The following CCDC7 variants were observed in gnomAD, a reference collection of about 807,000 sequenced individuals.
CCDC7 encodes the protein coiled-coil domain-containing protein 7.
In CCDC7, 183 loss-of-function variants were observed where a neutral mutation model predicts 196.9. The ratio of observed to expected loss-of-function variants is 0.93; its 90% CI spans 0.82 to 1.05. The LOEUF (loss-of-function observed/expected upper bound fraction) is 1.05. Among genes scored for constraint, CCDC7 ranks in the 50% least tolerant of loss-of-function variants. The probability of loss-of-function intolerance (pLI) is 0.00; values close to 1 mark genes in which losing one functional copy is unlikely to be tolerated. For synonymous variants in CCDC7, 525 were observed against 484.6 expected (o/e 1.08, Z -1.10); for missense variants, 1,540 against 1,482.2 (o/e 1.04, Z -0.64).
intron 18 of CCDC7, among the ~76,000 whole-genome samples, chr10:32,590,645 T>TA: frequency 6.6e-6 from 1 of 152,326 alleles, no homozygotes; most frequent in South Asian, 2.1e-4. Context: ...GAACTCTCTT[T>TA]AGCATTTCTT....
intron 28 of CCDC7, among the ~76,000 whole-genome samples, chr10:32,760,918 A>G (rs1268124196): frequency 6.6e-6 from 1 of 152,012 alleles, no homozygotes; most frequent in Non-Finnish European, 1.5e-5. Flanking sequence ...TGACTTCCTC[A>G]ACATATATTT....
downstream of CCDC7, among the ~76,000 whole-genome samples, chr10:32,879,030 C>T (rs770231045): frequency 6.6e-6 from 1 of 151,884 alleles, no homozygotes; most frequent in Non-Finnish European, 1.5e-5. Flanking sequence ...TTCTAGTACA[C>T]CATTCTTTAC....
intron 32 of CCDC7, among the ~76,000 whole-genome samples, chr10:32,834,548 T>A (rs933058234): frequency 6.6e-6 from 1 of 152,054 alleles, no homozygotes; most frequent in African/African-American, 2.4e-5. Flanking sequence ...TCTGTATAAG[T>A]TTTATAGTTA....
intron 28 of CCDC7, among the ~76,000 whole-genome samples, chr10:32,736,661 CA>C (rs1292236516): frequency 6.7e-6 from 1 of 149,126 alleles, no homozygotes; most frequent in Non-Finnish European, 1.5e-5. Flanking sequence ...ATAATTACCT[CA>C]TTTTTTTGGT....
At chr10:32,875,456 T>G (rs2094571606) in intron 41 of CCDC7, among the ~76,000 whole-genome samples, 2 of 152,066 alleles carry the variant, frequency 1.3e-5, no homozygotes, top group Admixed American at 1.3e-4. Flanking sequence ...ATGTGCAGCC[T>G]TATTTCTGGG....
At chr10:32,751,638 C>T (rs2075673630) in intron 28 of CCDC7, among the ~76,000 whole-genome samples, 1 of 152,118 alleles carries the variant, frequency 6.6e-6, no homozygotes. Context: ...TCCTGTAAAT[C>T]AAGACTGTAG....
At chr10:32,544,365 A>G (rs945787335) in intron 13 of CCDC7, 64 bp downstream of exon 14, 2 of 1,494,958 alleles carry the variant, frequency 1.3e-6, no homozygotes, top group South Asian at 2.6e-5. Flanking sequence ...AGTCATATAT[A>G]GAGAAACATT....
At chr10:32,809,517 A>C (rs983567702) in intron 30 of CCDC7, among the ~76,000 whole-genome samples, 1 of 152,206 alleles carries the variant, frequency 6.6e-6, no homozygotes, top group Non-Finnish European at 1.5e-5. Flanking sequence ...CAAAGAACTC[A>C]AACAAATTTG....
intron 1 of CCDC7, 117 bp downstream of exon 2, chr10:32,452,038 T>G: frequency 7.4e-7 from 1 of 1,359,246 alleles, no homozygotes; most frequent in Non-Finnish European, 9.6e-7. Context: ...TAAGATTTAT[T>G]ACAGTAGGCA....
intron 20 of CCDC7, among the ~76,000 whole-genome samples, chr10:32,660,861 C>T (rs1190416005): frequency 2.8e-5 from 4 of 144,982 alleles, no homozygotes; most frequent in African/African-American, 1.0e-4. Flanking sequence ...AGACCTAAAA[C>T]CATAAAAACC....
At chr10:32,733,202 TCTC>T (rs367902882) in intron 28 of CCDC7, among the ~76,000 whole-genome samples, 8 of 152,228 alleles carry the variant, frequency 5.3e-5, no homozygotes, top group East Asian at 1.9e-4. Flanking sequence ...CTTGAAAAGT[TCTC>T]CTATATTTTT....
chr10:32,806,080 T>C (rs1224547649), intron 30 of CCDC7, among the ~76,000 whole-genome samples: 2 of 152,172 alleles, frequency 1.3e-5, no homozygotes, highest in Admixed American at 6.5e-5. Flanking sequence ...TGGAGAAGGA[T>C]CTGCCCTTGT....
intron 32 of CCDC7, among the ~76,000 whole-genome samples, chr10:32,825,948 G>T (rs2091046277): frequency 6.6e-6 from 1 of 152,292 alleles, no homozygotes; most frequent in Middle Eastern, 3.4e-3. Flanking sequence ...AAACTCTGAT[G>T]AATCTTTTTT....
intron 9 of CCDC7, among the ~76,000 whole-genome samples, chr10:32,516,621 T>C (rs188624008): frequency 3.9e-5 from 6 of 152,220 alleles, no homozygotes; most frequent in Non-Finnish European, 5.9e-5. Flanking sequence ...AAAACTACAA[T>C]GAGATACCAC....
At chr10:32,626,777 C>G (rs896158355) in intron 18 of CCDC7, among the ~76,000 whole-genome samples, 1 of 151,910 alleles carries the variant, frequency 6.6e-6, no homozygotes, top group Non-Finnish European at 1.5e-5. Flanking sequence ...ATGTGAGTAT[C>G]CAATTTTCCT....
At chr10:32,494,936 T>C (rs1368668587) in intron 9 of CCDC7, among the ~76,000 whole-genome samples, 1 of 152,208 alleles carries the variant, frequency 6.6e-6, no homozygotes, top group Non-Finnish European at 1.5e-5. Context: ...GGTCAAATGG[T>C]ATTTCTAGTT....
At chr10:32,462,556 TAA>T in intron 3 of CCDC7, 125 bp from the exon 5 acceptor site, 1 of 734,314 alleles carries the variant, frequency 1.4e-6, no homozygotes, top group Non-Finnish European at 2.0e-6. Context: ...TACAGATTTA[TAA>T]AGTTATATTT....
chr10:32,805,979 G>A (rs2085748234), intron 30 of CCDC7, among the ~76,000 whole-genome samples: 2 of 152,198 alleles, frequency 1.3e-5, no homozygotes, highest in South Asian at 4.1e-4. Context: ...AAGAGCAGGA[G>A]CAAGAGAAAG....
chr10:32,836,244 C>T (rs2092591605), intron 33 of CCDC7, among the ~76,000 whole-genome samples: 1 of 152,024 alleles, frequency 6.6e-6, no homozygotes, highest in Non-Finnish European at 1.5e-5. Context: ...ATACCAAAAG[C>T]AGTGCTCCCA....
Sources: gnomAD v4.1 joint callset for allele counts (sites outside exome capture counted in the v4.1 genomes callset) on GRCh38, gnomAD v4.1.1 for gene constraint, MANE v1.5 for transcripts, NCBI Gene and HGNC (gene_info 2026-07-23, HGNC 2026-07-21) for gene names.